The following TLK1 variants were observed in gnomAD, a reference collection of about 807,000 sequenced individuals.
The protein encoded by TLK1 is tousled like kinase 1, also known as serine/threonine-protein kinase tousled-like 1.
Under a neutral mutation model 105.3 loss-of-function variants are expected in TLK1, and 24 were observed. The ratio of observed to expected loss-of-function variants is 0.23; its 90% CI spans 0.17 to 0.32. The LOEUF (loss-of-function observed/expected upper bound fraction) is 0.32, where lower values mean the gene tolerates loss of function less well. TLK1 is among the 10% of genes least tolerant of loss of function. TLK1 has a pLI of 1.00. For missense variants in TLK1, 558 were observed against 910.5 expected, an observed-to-expected ratio of 0.61 and a Z score of 4.98; for synonymous variants, 321 against 310.4, an observed-to-expected ratio of 1.03 and a Z score of -0.36.
intron 3 of TLK1, among the ~76,000 whole-genome samples, chr2:171,079,404 A>G (rs1558929481): frequency 6.6e-6 from 1 of 152,230 alleles, no homozygotes; most frequent in African/African-American, 2.4e-5. Flanking sequence ...CATGAGGCAG[A>G]CTGTCTAAAT....
intron 1 of TLK1, among the ~76,000 whole-genome samples, chr2:171,194,666 A>T (rs1331058532): frequency 1.3e-5 from 2 of 151,342 alleles, no homozygotes; most frequent in East Asian, 3.9e-4. Context: ...AAATACAAAA[A>T]ATTAGCCGGG....
intron 1 of TLK1, among the ~76,000 whole-genome samples, chr2:171,174,024 C>T (rs560337829): frequency 2.6e-5 from 4 of 152,280 alleles, no homozygotes; most frequent in African/African-American, 9.6e-5. Context: ...TCCATCCATC[C>T]GTCCTTCTTC....
intron 8 of TLK1, among the ~76,000 whole-genome samples, chr2:171,052,396 G>A (rs1205708080): frequency 1.3e-5 from 2 of 152,174 alleles, no homozygotes; most frequent in Non-Finnish European, 2.9e-5. Context: ...TCTTTCATAT[G>A]TGCCCTGAAG....
At chr2:171,229,481 G>A (rs1423507442) in intron 1 of TLK1, among the ~76,000 whole-genome samples, 1 of 152,204 alleles carries the variant, frequency 6.6e-6, no homozygotes, top group Non-Finnish European at 1.5e-5. Flanking sequence ...CTAGCTGCCA[G>A]CTTAAACTCA....
At chr2:171,110,746 A>G (rs1472858665) in intron 2 of TLK1, among the ~76,000 whole-genome samples, 1 of 152,218 alleles carries the variant, frequency 6.6e-6, no homozygotes, top group East Asian at 1.9e-4. Context: ...GTATGGGAAA[A>G]TATTTCAGCA....
chr2:171,024,071 T>C (rs1331800865), intron 12 of TLK1, among the ~76,000 whole-genome samples: 2 of 152,174 alleles, frequency 1.3e-5, no homozygotes, highest in African/African-American at 2.4e-5. Context: ...AGGAAATTAA[T>C]CTCTTTACAA....
At chr2:171,061,255 T>C (rs1687734764) in intron 3 of TLK1, 99 bp from the exon 4 acceptor site, 2 of 1,019,476 alleles carry the variant, frequency 2.0e-6, no homozygotes, top group African/African-American at 1.6e-5. Context: ...AAAAATAGCA[T>C]TCAGTAGTGC....
chr2:171,157,373 AT>A (rs939344032), intron 1 of TLK1, among the ~76,000 whole-genome samples: 6 of 152,192 alleles, frequency 3.9e-5, no homozygotes, highest in African/African-American at 1.4e-4. Context: ...CACTCCCTTA[AT>A]CACAGGATTA....
At chr2:171,028,468 C>T in intron 11 of TLK1, 63 bp from the exon 12 acceptor site, 1 of 1,128,792 alleles carries the variant, frequency 8.9e-7, no homozygotes, top group Non-Finnish European at 1.3e-6. Context: ...TAACAACTAG[C>T]AAAATATAAA....
intron 2 of TLK1, among the ~76,000 whole-genome samples, chr2:171,090,487 G>C (rs1050353363): frequency 6.6e-6 from 1 of 152,146 alleles, no homozygotes; most frequent in Non-Finnish European, 1.5e-5. Flanking sequence ...CATTCATTGA[G>C]TGTACTTATG....
chr2:171,181,477 G>T (rs1692927402), intron 1 of TLK1, among the ~76,000 whole-genome samples: 1 of 152,154 alleles, frequency 6.6e-6, no homozygotes, highest in Non-Finnish European at 1.5e-5. Context: ...ATGCCTGAGG[G>T]TGGGTAATTT....
rs545952018 is a variant in TLK1 at position 171,189,350 on chromosome 2, T to G, written c.-6+41795A>C. On this transcript the variant is annotated intron_variant, in intron 1 of 20. Coordinates refer to the TLK1 transcript ENST00000521943. ...CCCTGTTAAGTTTTTACACTTTTAG[T>G]AGAGACGGGTTTCACTGTGTTGGCC... Among the ~76,000 whole-genome samples the G allele has an allele frequency of 2.0e-5, 3 of 152,218 alleles. No homozygotes were observed. The South Asian group carries it at 6.2e-4, about 32-fold the overall frequency.
intron 11 of TLK1, among the ~76,000 whole-genome samples, chr2:171,041,668 G>A (rs1268884815): frequency 6.6e-6 from 1 of 152,098 alleles, no homozygotes; most frequent in Non-Finnish European, 1.5e-5. Flanking sequence ...TCATCCCAAA[G>A]CCATCCCCCA....
chr2:171,102,941 G>C (rs533421832), intron 2 of TLK1, among the ~76,000 whole-genome samples: 1 of 152,004 alleles, frequency 6.6e-6, no homozygotes, highest in Non-Finnish European at 1.5e-5. Flanking sequence ...ATAAGTTGTA[G>C]TATTAAAAAA....
At chr2:171,186,172 G>A (rs947475768) in intron 1 of TLK1, among the ~76,000 whole-genome samples, 12 of 152,184 alleles carry the variant, frequency 7.9e-5, no homozygotes, top group African/African-American at 2.9e-4. Flanking sequence ...AAAATATTTT[G>A]AGTAGGAATG....
intron 3 of TLK1, among the ~76,000 whole-genome samples, chr2:171,064,885 G>GA (rs1466796396): frequency 6.6e-6 from 1 of 152,096 alleles, no homozygotes; most frequent in Non-Finnish European, 1.5e-5. Context: ...AAAGTTTGTT[G>GA]AAAAAACACA....
rs567950597 is a variant in TLK1, at chr2:170,992,384, T to C, written c.*1396A>G. On this transcript the variant is annotated 3_prime_UTR_variant, in exon 21 of 21. Transcript: ENST00000431350. ...TACATGTAAGTATCAGCATTATGAA[T>C]GTGACAATAAAGAAAAAGTCCTTAC... The C allele has an allele frequency of 4.3e-4, 65 of 152,604 alleles. No individual in the cohort carries two copies. The highest frequency in any genetic ancestry group is 1.4e-3 in the African/African-American group (60 of 41,570). The allele number at this position is 152,604 out of a possible 1,614,324, so 9.5% of individuals were successfully genotyped here.
At chr2:171,124,377 G>T (rs1023672973) in intron 1 of TLK1, among the ~76,000 whole-genome samples, 6 of 152,120 alleles carry the variant, frequency 3.9e-5, no homozygotes, top group Admixed American at 2.0e-4. Context: ...AATTTCCAAA[G>T]CTAATTAGTA....
intron 1 of TLK1, among the ~76,000 whole-genome samples, chr2:171,195,924 C>T (rs998170485): frequency 1.3e-5 from 2 of 151,030 alleles, no homozygotes; most frequent in African/African-American, 4.9e-5. Flanking sequence ...ACTTGGGAGG[C>T]TGGGACTCAC....
Sources: gnomAD v4.1 joint callset for allele counts (sites outside exome capture counted in the v4.1 genomes callset) on GRCh38, gnomAD v4.1.1 for gene constraint, MANE v1.5 for transcripts, NCBI Gene and HGNC (gene_info 2026-07-23, HGNC 2026-07-21) for gene names.